RYR3: variants seen among roughly 807,000 people sequenced by gnomAD.
RYR3 encodes the protein brain ryanodine receptor-calcium release channel.
RYR3 carries 207 observed loss-of-function variants against 584.3 expected under a neutral mutation model. The ratio of observed to expected loss-of-function variants is 0.35; its 90% CI spans 0.32 to 0.40. RYR3 has a LOEUF of 0.40. RYR3 is among the 10% of genes least tolerant of loss of function. The probability of loss-of-function intolerance (pLI) is 1.00; values close to 1 mark genes in which losing one functional copy is unlikely to be tolerated. For missense variants in RYR3, 5,616 were observed against 6,089.2 expected, an observed-to-expected ratio of 0.92 and a Z score of 2.59; for synonymous variants, 2,416 against 2,248.5, an observed-to-expected ratio of 1.07 and a Z score of -2.11.
chr15:33,822,529 T>C (rs780373625), intron 80 of RYR3, among the ~76,000 whole-genome samples: 19 of 152,256 alleles, frequency 1.2e-4, no homozygotes, highest in Non-Finnish European at 2.1e-4. Flanking sequence ...GACTTTCTTA[T>C]GGGGCCTTTT....
chr15:33,773,476 T>C, intron 63 of RYR3, 58 bp from the exon 64 acceptor site: 1 of 1,261,320 alleles, frequency 7.9e-7, no homozygotes, highest in South Asian at 1.3e-5. Context: ...TTCCTCTTCA[T>C]GGATCCTTTC....
At chr15:33,840,414 G>C (rs1346121754) in intron 89 of RYR3, among the ~76,000 whole-genome samples, 1 of 152,202 alleles carries the variant, frequency 6.6e-6, no homozygotes, top group African/African-American at 2.4e-5. Flanking sequence ...TCCTCAGCCA[G>C]AGGGATTGGG....
intron 100 of RYR3, among the ~76,000 whole-genome samples, chr15:33,860,064 G>C (rs1384214990): frequency 2.0e-5 from 3 of 152,166 alleles, no homozygotes; most frequent in Non-Finnish European, 4.4e-5. Flanking sequence ...GAGGGAGGTA[G>C]GGTAGGAGCA....
chr15:33,674,951 A>G (rs1267007837), intron 38 of RYR3, among the ~76,000 whole-genome samples: 1 of 151,072 alleles, frequency 6.6e-6, no homozygotes, highest in East Asian at 1.9e-4. Flanking sequence ...AATATAGAAC[A>G]TCTTGAAAAA....
In RYR3 at chr15:33,860,969, C is replaced by A. The variant is rs952399433; in HGVS notation, c.14365-109C>A. 6 of 880,606 alleles carry A rather than the reference C, an allele frequency of 6.8e-6. No individual in the cohort carries two copies. In the Admixed American group the frequency reaches 1.0e-4, roughly 15 times the overall value. 54.5% of individuals were successfully genotyped at this position (880,606 alleles called of 1,614,324 possible). A position where few individuals can be genotyped will look rare whatever the true frequency, so the allele number is the denominator to read the frequency against. On this transcript the variant is annotated intron_variant, in intron 101 of 103. Coordinates refer to ENST00000634891, the MANE Select transcript of RYR3 (RefSeq NM_001036.6). Reference sequence around the variant, plus strand: ...TGAGTGAATGACTAATAGCCAAAAGCATTAGAAAGAAAGTTTTCATTATCC... The same window carrying A: ...TGAGTGAATGACTAATAGCCAAAAGAATTAGAAAGAAAGTTTTCATTATCC...
chr15:33,515,643 A>T (rs1595393807), intron 3 of RYR3, among the ~76,000 whole-genome samples: 1 of 152,354 alleles, frequency 6.6e-6, no homozygotes, highest in South Asian at 2.1e-4. Flanking sequence ...AGATTTTATT[A>T]AAATGAGCTG....
At position 33,566,740 on chromosome 15, in the gene RYR3, G is replaced by A. The variant is rs1595624306; in HGVS notation, c.1209G>A (p.Glu403=). The change falls in exon 12 of 104, where the codon GAG becomes GAA. Residue 403 remains glutamate, a synonymous_variant. Coordinates refer to ENST00000634891, the MANE Select transcript of RYR3 (RefSeq NM_001036.6). ...TAACACTGCAGAGATGCCAGCGTGA[G>A]GAGTCCCAGGCTGCTCGGATCATCC... The part of the protein sequence containing the change: ...DGLTLQRCQR[E]ESQAARIIRN... 2.5e-6 allele frequency: 4 copies of A among 1,613,796 alleles called. No homozygotes were observed. Among genetic ancestry groups the A allele is most frequent in the African/African-American group, 2.7e-5 (2 of 75,016 alleles).
rs183749102 is a variant in RYR3, at chr15:33,840,917, C to A, written c.13037+34C>A. The A allele has an allele frequency of 9.8e-5, 157 of 1,598,606 alleles. No individual in the cohort carries two copies. In the African/African-American group the frequency reaches 1.7e-3, roughly 17 times the overall value. ...TTGGTAGCATCAACTACTCTCATTG[C>A]TATGGTAGATAATTCTTAGGCCAGG... On this transcript the variant is annotated intron_variant, in intron 90 of 103. Transcript: ENST00000634891.
At position 33,628,488 on chromosome 15, in the gene RYR3, C is replaced by A; in HGVS notation, c.2592C>A (p.His864Gln). 1 of 1,612,074 alleles carries A rather than the reference C, an allele frequency of 6.2e-7. No individual in the cohort carries two copies. Among genetic ancestry groups the A allele is most frequent in the Non-Finnish European group, 8.5e-7 (1 of 1,178,214 alleles). ...TCCTTTAGGTTATTTTGCCACCTCA[C>A]CTAGAAAAGATCCGAGACAGACTAG... ...VDTSQVILPP[H>Q]LEKIRDRLAE... Residue 864 changes from histidine (H) to glutamine (Q), a missense_variant, in exon 21 of 104, where the codon CAC (histidine) becomes CAA (glutamine). Around this residue, in one of 9 missense-constraint regions of RYR3, gnomAD observed 1,284 missense variants for 1,344.6 expected, o/e 0.95. Coordinates refer to ENST00000634891, the MANE Select transcript of RYR3 (RefSeq NM_001036.6).
chr15:33,499,165 G>A (rs1407078676), intron 2 of RYR3, among the ~76,000 whole-genome samples: 1 of 151,014 alleles, frequency 6.6e-6, no homozygotes, highest in Non-Finnish European at 1.5e-5. Context: ...ACCTCCCCAT[G>A]CTTACTCCCC....
intron 1 of RYR3, among the ~76,000 whole-genome samples, chr15:33,409,061 G>C (rs540134347): frequency 6.6e-6 from 1 of 152,252 alleles, no homozygotes; most frequent in South Asian, 2.1e-4. Flanking sequence ...TTAGGGGTTT[G>C]CTTTTTGATT....
chr15:33,367,419 G>A (rs1055174608), intron 1 of RYR3, among the ~76,000 whole-genome samples: 1 of 152,116 alleles, frequency 6.6e-6, no homozygotes. Context: ...TAAAAATACA[G>A]TTGGTTTAGT....
At chr15:33,720,823 G>A (rs1210794363) in intron 43 of RYR3, among the ~76,000 whole-genome samples, 1 of 152,010 alleles carries the variant, frequency 6.6e-6, no homozygotes, top group Non-Finnish European at 1.5e-5. Flanking sequence ...GCACTGAGCT[G>A]AGATCATGCC....
rs1392396626 is a variant in RYR3, at chr15:33,636,371, T to C, written c.3382-5T>C. On this transcript the variant is annotated splice_polypyrimidine_tract_variant and splice_region_variant and intron_variant, in intron 26 of 103. Transcript: ENST00000634891. ...TTCTCTAAGCCCTAGAGTCTTGTTTTCTAGGGCCAGCGTTGGCATCAAGGA... is the reference window on the plus strand; with the variant it reads ...TTCTCTAAGCCCTAGAGTCTTGTTTCCTAGGGCCAGCGTTGGCATCAAGGA... The C allele has an allele frequency of 6.2e-7, 1 of 1,613,890 alleles. No individual in the cohort carries two copies. Among genetic ancestry groups the C allele is most frequent in the East Asian group, 2.2e-5 (1 of 44,886 alleles).
chr15:33,629,885 T>C, intron 21 of RYR3, 55 bp from the exon 22 acceptor site: 1 of 929,704 alleles, frequency 1.1e-6, no homozygotes. Context: ...TGTTTTCCCA[T>C]GCAGTGCCAG....
chr15:33,810,862 G>T (rs771917922), intron 71 of RYR3, 116 bp from the exon 72 acceptor site: 8 of 1,124,540 alleles, frequency 7.1e-6, no homozygotes, highest in Admixed American at 6.6e-5. Context: ...TTTTTCTTTT[G>T]TTCTTCTGAT....
chr15:33,806,227 C>A (rs1052907947), intron 69 of RYR3, among the ~76,000 whole-genome samples: 1 of 152,004 alleles, frequency 6.6e-6, no homozygotes, highest in Non-Finnish European at 1.5e-5. Context: ...CCCACAAAAG[C>A]CTGTGTCTGT....
chr15:33,570,837 TATAATTA>T (rs984257039), intron 12 of RYR3, among the ~76,000 whole-genome samples: 1 of 19,956 alleles, frequency 5.0e-5, no homozygotes, highest in African/African-American at 9.8e-5. Context: ...CTACTACAAA[TATAATTA>T]TTTTTTTGAT....
chr15:33,861,632 C>G (rs1888261773), intron 102 of RYR3, among the ~76,000 whole-genome samples: 1 of 152,150 alleles, frequency 6.6e-6, no homozygotes. Flanking sequence ...TCCTGTGAAC[C>G]TCCTACTGGC....
Sources: allele counts gnomAD v4.1 joint callset (sites outside exome capture counted in the v4.1 genomes callset), GRCh38; gene constraint gnomAD v4.1.1; regional missense constraint gnomAD v4.1.1; transcripts MANE v1.5; gene names NCBI Gene and HGNC (gene_info 2026-07-23, HGNC 2026-07-21).